Variants in MTUS2 observed in about 807,000 individuals in gnomAD.
MTUS2 encodes the protein microtubule-associated tumor suppressor candidate 2.
In MTUS2, 40 loss-of-function variants were observed where a neutral mutation model predicts 114.1. The observed-to-expected ratio is 0.35, with a 90% CI of 0.27 to 0.46. The LOEUF (loss-of-function observed/expected upper bound fraction) is 0.46. MTUS2 is among the 20% of genes least tolerant of loss of function. The probability of loss-of-function intolerance (pLI) is 1.00; values close to 1 mark genes in which losing one functional copy is unlikely to be tolerated. For missense variants in MTUS2, 1,679 were observed against 1,705.4 expected (o/e 0.98, Z 0.27); for synonymous variants, 688 against 672.0 (o/e 1.02, Z -0.37).
chr13:29,028,802 A>C (rs2138500146), intron 3 of MTUS2, among the ~76,000 whole-genome samples: 1 of 152,318 alleles, frequency 6.6e-6, no homozygotes, highest in Admixed American at 6.5e-5. Flanking sequence ...CCCAGAATTT[A>C]GAATGGTGCT....
intron 2 of MTUS2, among the ~76,000 whole-genome samples, chr13:28,848,199 G>A (rs1876015877): frequency 6.6e-6 from 1 of 152,076 alleles, no homozygotes; most frequent in African/African-American, 2.4e-5. Context: ...TGCTTTCCAA[G>A]AATTTACTAT....
intron 8 of MTUS2, among the ~76,000 whole-genome samples, chr13:29,394,287 A>G (rs1566177607): frequency 3.3e-5 from 5 of 152,182 alleles, no homozygotes; most frequent in Admixed American, 1.3e-4. Flanking sequence ...ACAGGCAGAC[A>G]TCCATCAATA....
At chr13:28,986,609 C>T (rs551311030) in intron 2 of MTUS2, among the ~76,000 whole-genome samples, 21 of 152,296 alleles carry the variant, frequency 1.4e-4, no homozygotes, top group Non-Finnish European at 2.2e-4. Context: ...TCTAACAGCA[C>T]CAGGCATCAA....
chr13:28,863,457 G>C (rs1877113364), intron 2 of MTUS2, among the ~76,000 whole-genome samples: 1 of 152,128 alleles, frequency 6.6e-6, no homozygotes, highest in African/African-American at 2.4e-5. Context: ...CATATAGCCC[G>C]AGGCTGAGGA....
chr13:29,214,288 C>T (rs1431918682), intron 5 of MTUS2, among the ~76,000 whole-genome samples: 64 of 151,964 alleles, frequency 4.2e-4, no homozygotes, highest in Admixed American at 3.8e-3. Context: ...TACAGCACAC[C>T]GATGGGTCTT....
chr13:29,141,000 C>T (rs1432935176), intron 5 of MTUS2, among the ~76,000 whole-genome samples: 1 of 152,164 alleles, frequency 6.6e-6, no homozygotes, highest in African/African-American at 2.4e-5. Flanking sequence ...CTGACCCCTT[C>T]CACCATCAGA....
chr13:29,364,676 T>C (rs751087897), intron 8 of MTUS2, among the ~76,000 whole-genome samples: 1 of 152,218 alleles, frequency 6.6e-6, no homozygotes, highest in Non-Finnish European at 1.5e-5. Context: ...TCAGAATGAA[T>C]GTTGCCCTTG....
At chr13:29,235,354 A>G (rs761860411) in intron 5 of MTUS2, among the ~76,000 whole-genome samples, 4 of 152,158 alleles carry the variant, frequency 2.6e-5, no homozygotes, top group Non-Finnish European at 5.9e-5. Context: ...CGGCCTCCCA[A>G]AGTGCTGGGA....
chr13:28,989,453 G>T (rs190523189), intron 2 of MTUS2, among the ~76,000 whole-genome samples: 154 of 152,330 alleles, frequency 1.0e-3, no homozygotes, highest in African/African-American at 3.4e-3. Context: ...AAAGTCCCTT[G>T]CCAGCTTCCC....
At chr13:29,238,987 A>C (rs1896636387) in intron 5 of MTUS2, among the ~76,000 whole-genome samples, 1 of 152,164 alleles carries the variant, frequency 6.6e-6, no homozygotes, top group African/African-American at 2.4e-5. Flanking sequence ...GTCCAAGGAT[A>C]CGAAGTTTCG....
At chr13:28,903,475 C>T (rs532222837) in intron 2 of MTUS2, among the ~76,000 whole-genome samples, 7 of 141,064 alleles carry the variant, frequency 5.0e-5, no homozygotes, top group African/African-American at 1.3e-4. Context: ...CATGTGTTCT[C>T]ATTGTTCAAT....
intron 4 of MTUS2, among the ~76,000 whole-genome samples, chr13:29,092,765 T>G (rs1368559864): frequency 7.1e-6 from 1 of 141,796 alleles, no homozygotes; most frequent in Admixed American, 7.1e-5. Context: ...GCTGGCAAAG[T>G]GACAGAAAAA....
At chr13:28,989,448 C>T (rs1236450657) in intron 2 of MTUS2, among the ~76,000 whole-genome samples, 8 of 152,200 alleles carry the variant, frequency 5.3e-5, no homozygotes. Flanking sequence ...TTAACAAAGT[C>T]CCTTGCCAGC....
intron 8 of MTUS2, chr13:29,428,736 A>G: frequency 1.3e-6 from 2 of 1,571,584 alleles, no homozygotes; most frequent in South Asian, 2.4e-5. Context: ...GGAAGTTGTG[A>G]CAGCTCCCAG....
chr13:29,097,732 C>G (rs565651370), intron 4 of MTUS2, among the ~76,000 whole-genome samples: 1 of 152,202 alleles, frequency 6.6e-6, no homozygotes, highest in African/African-American at 2.4e-5. Flanking sequence ...CTGTTTCCAG[C>G]TTCTTTTCAT....
At chr13:29,139,883 C>T (rs888893068) in intron 5 of MTUS2, among the ~76,000 whole-genome samples, 18 of 152,146 alleles carry the variant, frequency 1.2e-4, no homozygotes, top group African/African-American at 3.4e-4. Context: ...CTATCCTCCC[C>T]TTCCTCTGGC....
At chr13:29,118,522 C>T (rs1173170630) in intron 5 of MTUS2, among the ~76,000 whole-genome samples, 1 of 152,146 alleles carries the variant, frequency 6.6e-6, no homozygotes, top group East Asian at 1.9e-4. Flanking sequence ...AAATTGGCAG[C>T]CAACTAGACT....
At chr13:29,089,973 GCTAA>G (rs1158844800) in intron 4 of MTUS2, among the ~76,000 whole-genome samples, 1 of 152,176 alleles carries the variant, frequency 6.6e-6, no homozygotes, top group Non-Finnish European at 1.5e-5. Context: ...TTGCTGGGGA[GCTAA>G]TGTGGTCATT....
intron 6 of MTUS2, among the ~76,000 whole-genome samples, chr13:29,291,302 G>A (rs1898703744): frequency 6.6e-6 from 1 of 152,212 alleles, no homozygotes; most frequent in Non-Finnish European, 1.5e-5. Context: ...AGCCACTGGA[G>A]AGCCAGTGAG....
Sources: gnomAD v4.1 joint callset for allele counts (sites outside exome capture counted in the v4.1 genomes callset) on GRCh38, gnomAD v4.1.1 for gene constraint, MANE v1.5 for transcripts, NCBI Gene and HGNC (gene_info 2026-07-23, HGNC 2026-07-21) for gene names.